Variants in ZNF585B observed in about 807,000 individuals in gnomAD.
The protein encoded by ZNF585B is zinc finger protein 41-like protein.
Under a neutral mutation model 14.0 loss-of-function variants are expected in ZNF585B, and 7 were observed. The ratio of observed to expected loss-of-function variants is 0.50; its 90% CI spans 0.28 to 0.94. The LOEUF (loss-of-function observed/expected upper bound fraction) is 0.94. Among genes scored for constraint, ZNF585B ranks in the 40% least tolerant of loss-of-function variants. The pLI is 0.09. For missense variants in ZNF585B, 750 were observed against 924.4 expected (o/e 0.81, Z 2.45); for synonymous variants, 290 against 317.3 (o/e 0.91, Z 0.91).
At chr19:37,203,651 G>A (rs980385787) in intron 2 of ZNF585B, among the ~76,000 whole-genome samples, 63 of 152,266 alleles carry the variant, frequency 4.1e-4, no homozygotes, top group African/African-American at 1.5e-3. Context: ...TTTTTGAGAT[G>A]GAGTTTCACT....
chr19:37,195,345 CAAAAAAAAAAAA>C lies in ZNF585B; in HGVS notation c.73-5207_73-5196del, dbSNP rs71177429. 4.9e-4 allele frequency among the ~76,000 whole-genome samples: 7 copies of C among 14,300 alleles called. No individual in the cohort carries two copies. In the East Asian group the frequency reaches 7.5e-3, roughly 15 times the overall value. The allele number at this position is 14,300 out of a possible 152,430, so 9.4% of individuals were successfully genotyped here. A position where few individuals can be genotyped will look rare whatever the true frequency, so the allele number is the denominator to read the frequency against. On this transcript the variant is annotated intron_variant, in intron 2 of 4. Coordinates refer to ENST00000532828, the MANE Select transcript of ZNF585B (RefSeq NM_152279.4). ...TAGGCAACAGAGCGAGACTCTGACTCAAAAAAAAAAAAAAAAAAAAAAAAAAAAATTCAGGAA... is the reference window on the plus strand; with the variant it reads ...TAGGCAACAGAGCGAGACTCTGACTCAAAAAAAAAAAAAAAAATTCAGGAA...
chr19:37,196,952 C>T (rs1261249379), intron 2 of ZNF585B, among the ~76,000 whole-genome samples: 1 of 152,162 alleles, frequency 6.6e-6, no homozygotes, highest in Non-Finnish European at 1.5e-5. Context: ...TGAAGGACAA[C>T]TGTGCTTAGT....
At chr19:37,202,667 A>C (rs1471333017) in intron 2 of ZNF585B, among the ~76,000 whole-genome samples, 2 of 123,226 alleles carry the variant, frequency 1.6e-5, no homozygotes, top group Non-Finnish European at 3.4e-5. Context: ...TTTGAGATGG[A>C]GTTTCGCGCT....
intron 2 of ZNF585B, chr19:37,199,393 C>T (rs187359739): frequency 1.0e-4 from 42 of 407,226 alleles, no homozygotes; most frequent in African/African-American, 6.9e-4. Flanking sequence ...GTTCTATTGG[C>T]GCGTACCTGT....
chr19:37,200,793 C>T (rs1972523138), intron 2 of ZNF585B, among the ~76,000 whole-genome samples: 2 of 149,868 alleles, frequency 1.3e-5, no homozygotes, highest in African/African-American at 4.9e-5. Flanking sequence ...ACTAAAAGAA[C>T]AAAAGAAAAA....
At chr19:37,197,743 A>AT (rs1271044013) in intron 2 of ZNF585B, among the ~76,000 whole-genome samples, 1 of 151,964 alleles carries the variant, frequency 6.6e-6, no homozygotes, top group Non-Finnish European at 1.5e-5. Flanking sequence ...GATGATGAGC[A>AT]TTTTTTTCAT....
chr19:37,190,494 C>T (rs770066438), intron 2 of ZNF585B: 22 of 171,538 alleles, frequency 1.3e-4, no homozygotes, highest in Non-Finnish European at 2.0e-4. Context: ...CCTTGTGATC[C>T]GCCCACCTCG....
In ZNF585B at chr19:37,185,232, C is replaced by T. The variant is rs200913496; in HGVS notation, c.2305G>A (p.Ala769Thr). Residue 769 changes from alanine (A) to threonine (T), a missense_variant, in exon 5 of 5, where the codon GCT becomes ACT. Transcript: ENST00000532828. ...GTTTTCTCACACTGTTTCTCTCAAG[C>T]GTGGCTGCTCTGATGAACACTGAAC... ...SVFSVHQSSH[A>T] is the part of the protein sequence containing the mutation. 317 of 1,609,876 alleles carry T rather than the reference C, an allele frequency of 2.0e-4. 2 individuals are homozygous for T. Among genetic ancestry groups the T allele is most frequent in the South Asian group, 2.9e-4 (26 of 90,560 alleles).
intron 2 of ZNF585B, among the ~76,000 whole-genome samples, chr19:37,204,109 C>T (rs1489303938): frequency 6.6e-6 from 1 of 152,112 alleles, no homozygotes; most frequent in Non-Finnish European, 1.5e-5. Flanking sequence ...TTCAAAGATA[C>T]ATTATTAATT....
intron 2 of ZNF585B, chr19:37,198,804 T>TAGAGAG: frequency 2.5e-6 from 1 of 399,636 alleles, no homozygotes; most frequent in Non-Finnish European, 4.4e-6. Context: ...ATTTATTGTA[T>TAGAGAG]AAAGATTCAG....
intron 2 of ZNF585B, among the ~76,000 whole-genome samples, chr19:37,198,275 G>A (rs905821333): frequency 1.3e-5 from 2 of 152,024 alleles, no homozygotes; most frequent in Non-Finnish European, 2.9e-5. Flanking sequence ...GTGTTCAAGC[G>A]ATTCTCCTGC....
At chr19:37,204,730 A>G (rs906076274) in intron 2 of ZNF585B, among the ~76,000 whole-genome samples, 6 of 149,994 alleles carry the variant, frequency 4.0e-5, no homozygotes, top group Middle Eastern at 3.3e-3. Flanking sequence ...ACACAGCACC[A>G]TGCCAGACTA....
chr19:37,187,113 T>C lies in ZNF585B; in HGVS notation c.424A>G (p.Lys142Glu). ...CAEFGKSFTWKSQFKVHLKVP... is the reference protein window; with the variant it reads ...CAEFGKSFTWESQFKVHLKVP... ...TTCAGATGTACCTTGAACTGTGACTTCCAGGTGAAGCTCTTTCCAAATTCA... is the reference window on the plus strand; with the variant it reads ...TTCAGATGTACCTTGAACTGTGACTCCCAGGTGAAGCTCTTTCCAAATTCA... Residue 142 changes from lysine to glutamate, a missense_variant, in exon 5 of 5, where the codon AAG becomes GAG. Coordinates refer to ENST00000532828, the MANE Select transcript of ZNF585B (RefSeq NM_152279.4). 1 of 1,614,144 alleles carries C rather than the reference T, an allele frequency of 6.2e-7. No individual in the cohort carries two copies. The highest frequency in any genetic ancestry group is 8.5e-7 in the Non-Finnish European group (1 of 1,180,034).
At chr19:37,201,449 T>A (rs999641197) in intron 2 of ZNF585B, among the ~76,000 whole-genome samples, 1 of 152,214 alleles carries the variant, frequency 6.6e-6, no homozygotes, top group African/African-American at 2.4e-5. Context: ...TCATTAATAC[T>A]ATGAAAGCCT....
rs1286406148 is a variant in ZNF585B at position 37,186,746 on chromosome 19, T to G, written c.791A>C (p.His264Pro). The stretch of plus-strand genomic sequence containing the variant: ...ACAGATGTAGGATCTCTCGCCTGTA[T>G]GGATTTTCTGATGAATCTTGAGTGT... ...KSTLKIHQKI[H>P]TGERSYICIE... The change falls in exon 5 of 5, where the codon CAT (histidine) becomes CCT (proline). Residue 264 changes from histidine to proline, a missense_variant. His to Pro is a moderately conservative substitution (Grantham distance 77). This residue lies in a region of ZNF585B where 517 missense variants were observed against 570.3 expected (regional missense o/e 0.91). Transcript: ENST00000532828. The G allele has an allele frequency of 6.2e-7, 1 of 1,614,072 alleles. No homozygotes were observed. Among genetic ancestry groups the G allele is most frequent in the Non-Finnish European group, 8.5e-7 (1 of 1,180,034 alleles).
chr19:37,195,645 C>T (rs1972457678), intron 2 of ZNF585B, among the ~76,000 whole-genome samples: 1 of 150,500 alleles, frequency 6.6e-6, no homozygotes, highest in Non-Finnish European at 1.5e-5. Flanking sequence ...AATCTTATAA[C>T]TATTAAATTA....
chr19:37,204,819 T>C (rs1972568964), intron 2 of ZNF585B, among the ~76,000 whole-genome samples: 1 of 151,752 alleles, frequency 6.6e-6, no homozygotes, highest in Admixed American at 6.6e-5. Flanking sequence ...CAATCTCAGC[T>C]CCCTGCAACC....
chr19:37,194,067 T>A (rs902880743), intron 2 of ZNF585B, among the ~76,000 whole-genome samples: 31 of 152,190 alleles, frequency 2.0e-4, no homozygotes, highest in Non-Finnish European at 2.9e-5. Context: ...GAGATTCACT[T>A]TAAAATAATC....
At position 37,207,240 on chromosome 19, in the gene ZNF585B, G is replaced by A. The variant is rs1972596183; in HGVS notation, c.-129C>T. On this transcript the variant is annotated 5_prime_UTR_variant, in exon 2 of 5. Transcript: ENST00000532828. ...GAAGGTCTGGCCCAGGGACTCCCCA[G>A]AGACACCCAAGAACCTAGAAAAACA... 6.7e-7 allele frequency: 1 copy of A among 1,502,608 alleles called. No homozygotes were observed. The highest frequency in any genetic ancestry group is 1.4e-5 in the African/African-American group (1 of 72,036). 93.1% of individuals were successfully genotyped at this position (1,502,608 alleles called of 1,614,324 possible). A position where few individuals can be genotyped will look rare whatever the true frequency, so the allele number is the denominator to read the frequency against.
Sources: allele counts gnomAD v4.1 joint callset (sites outside exome capture counted in the v4.1 genomes callset), GRCh38; gene constraint gnomAD v4.1.1; regional missense constraint gnomAD v4.1.1; transcripts MANE v1.5; gene names NCBI Gene and HGNC (gene_info 2026-07-23, HGNC 2026-07-21).